The following RCOR1 variants were observed in gnomAD, a reference collection of about 807,000 sequenced individuals.
RCOR1 encodes the protein REST corepressor 1.
Under a neutral mutation model 64.0 loss-of-function variants are expected in RCOR1, and 12 were observed. The ratio of observed to expected loss-of-function variants is 0.19; its 90% CI spans 0.12 to 0.30. The LOEUF is 0.30. RCOR1 is among the 10% of genes least tolerant of loss of function. RCOR1 has a pLI of 1.00. For synonymous variants in RCOR1, 279 were observed against 227.2 expected (o/e 1.23, Z -2.05); for missense variants, 502 against 621.2 (o/e 0.81, Z 2.04).
chr14:102,724,308 T>C (rs548064356), intron 11 of RCOR1, among the ~76,000 whole-genome samples: 5 of 152,102 alleles, frequency 3.3e-5, no homozygotes, highest in Non-Finnish European at 2.9e-5. Flanking sequence ...TCATTTAAAA[T>C]GTACCCCCTC....
intron 2 of RCOR1, among the ~76,000 whole-genome samples, chr14:102,660,956 T>C (rs759931994): frequency 3.3e-5 from 5 of 152,308 alleles, no homozygotes; most frequent in Non-Finnish European, 7.3e-5. Flanking sequence ...ATTAGTGATA[T>C]TGCTCAGCTC....
In RCOR1 at chr14:102,722,189, A is replaced by T; in HGVS notation, c.1192A>T (p.Ile398Phe). Residue 398 changes from isoleucine to phenylalanine, a missense_variant and splice_region_variant, in exon 11 of 12, where the codon ATC becomes TTC. Ile to Phe is a conservative substitution (Grantham distance 21). Around this residue, in one of 2 missense-constraint regions of RCOR1, gnomAD observed 260 missense variants for 416.4 expected, o/e 0.62. Coordinates refer to ENST00000262241, the MANE Select transcript of RCOR1 (RefSeq NM_015156.4). ...AAAATGCTTTCTTACATCCTTAGCCATCAGGAAATATGGCCGAGATTTTCA... is the reference window on the plus strand; with the variant it reads ...AAAATGCTTTCTTACATCCTTAGCCTTCAGGAAATATGGCCGAGATTTTCA... ...TEEQLLAVQA[I>F]RKYGRDFQAI... 6.2e-7 allele frequency: 1 copy of T among 1,612,920 alleles called. No individual in the cohort carries two copies. Among genetic ancestry groups the T allele is most frequent in the South Asian group, 1.1e-5 (1 of 91,050 alleles).
chr14:102,626,285 A>G (rs1365811945), intron 2 of RCOR1, among the ~76,000 whole-genome samples: 1 of 152,230 alleles, frequency 6.6e-6, no homozygotes, highest in African/African-American at 2.4e-5. Flanking sequence ...TTCCCCGGAA[A>G]ATAGAGCATA....
intron 2 of RCOR1, among the ~76,000 whole-genome samples, chr14:102,626,773 A>G (rs1893990941): frequency 6.6e-6 from 1 of 152,220 alleles, no homozygotes; most frequent in Non-Finnish European, 1.5e-5. Context: ...CCCAGATTGC[A>G]GGATTTTGCT....
At chr14:102,613,710 G>A (rs920938268) in intron 2 of RCOR1, among the ~76,000 whole-genome samples, 1 of 149,456 alleles carries the variant, frequency 6.7e-6, no homozygotes, top group Non-Finnish European at 1.5e-5. Flanking sequence ...ATGAGCCACC[G>A]CGCCCCGCCA....
At chr14:102,625,256 GAGGC>G (rs1893956784) in intron 2 of RCOR1, among the ~76,000 whole-genome samples, 2 of 22,226 alleles carry the variant, frequency 9.0e-5, no homozygotes, top group Admixed American at 8.2e-4. Context: ...TTTTTTTTTT[GAGGC>G]AGAGTTTCAC....
chr14:102,656,213 C>T (rs113656799), intron 2 of RCOR1: 38 of 617,540 alleles, frequency 6.2e-5, no homozygotes, highest in South Asian at 3.6e-4. Flanking sequence ...GATCTAGGCT[C>T]ACTGCAACCT....
chr14:102,721,238 G>GA (rs1159752298), intron 9 of RCOR1, 82 bp from the exon 10 acceptor site: 1 of 1,327,950 alleles, frequency 7.5e-7, no homozygotes. Context: ...TCCGATAAGA[G>GA]AAAATGAAAG....
chr14:102,704,217 C>T (rs951169203), intron 4 of RCOR1, among the ~76,000 whole-genome samples: 14 of 152,330 alleles, frequency 9.2e-5, no homozygotes, highest in African/African-American at 2.9e-4. Flanking sequence ...CTGTACTCTT[C>T]TCTAGTCATG....
intron 3 of RCOR1, among the ~76,000 whole-genome samples, chr14:102,684,283 G>T (rs756027469): frequency 2.6e-5 from 4 of 152,174 alleles, no homozygotes; most frequent in Non-Finnish European, 5.9e-5. Context: ...GAAAATTGAA[G>T]AGAAATATCA....
rs1896334143 is a variant in RCOR1, at chr14:102,729,780, A to C, written c.*3274A>C. ...TATAATTGCACACCAAAAATAAGCC[A>C]AACAGTGCATTACGCTAACTGGATC... On this transcript the variant is annotated 3_prime_UTR_variant, in exon 12 of 12. Coordinates refer to ENST00000262241, the MANE Select transcript of RCOR1 (RefSeq NM_015156.4). The C allele has an allele frequency of 2.5e-6, 1 of 398,926 alleles. No homozygotes were observed. Among genetic ancestry groups the C allele is most frequent in the African/African-American group, 2.1e-5 (1 of 48,646 alleles). 24.7% of individuals were successfully genotyped at this position (398,926 alleles called of 1,614,324 possible). A position where few individuals can be genotyped will look rare whatever the true frequency, so the allele number is the denominator to read the frequency against.
intron 7 of RCOR1, among the ~76,000 whole-genome samples, chr14:102,712,188 T>TTTTA (rs1895974951): frequency 6.6e-6 from 1 of 151,966 alleles, no homozygotes; most frequent in Non-Finnish European, 1.5e-5. Flanking sequence ...TTATTTTTTT[T>TTTTA]TATTTTGTTT....
At chr14:102,714,355 TA>T (rs1896021097) in intron 7 of RCOR1, 67 bp from the exon 8 acceptor site, 2 of 1,027,390 alleles carry the variant, frequency 1.9e-6, no homozygotes, top group Non-Finnish European at 2.8e-6. Context: ...GTTAAGGAAA[TA>T]AATATGTTTA....
chr14:102,704,138 G>A (rs1023272726), intron 4 of RCOR1, among the ~76,000 whole-genome samples: 2 of 152,200 alleles, frequency 1.3e-5, no homozygotes, highest in African/African-American at 4.8e-5. Context: ...GGACCTTTGT[G>A]GGAGGAACCA....
At position 102,593,137 on chromosome 14, in the gene RCOR1, G is replaced by A. The variant is rs762706265; in HGVS notation, c.251G>A (p.Ser84Asn). 1.3e-6 allele frequency: 2 copies of A among 1,526,006 alleles called. No individual in the cohort carries two copies. Among genetic ancestry groups the A allele is most frequent in the African/African-American group, 1.4e-5 (1 of 69,436 alleles). The allele number at this position is 1,526,006 out of a possible 1,614,324, so 94.5% of individuals were successfully genotyped here. A position where few individuals can be genotyped will look rare whatever the true frequency, so the allele number is the denominator to read the frequency against. The change falls in exon 1 of 12, where the codon AGC (serine) becomes AAC (asparagine). Residue 84 changes from serine to asparagine, a missense_variant. This residue lies in a region of RCOR1 where 242 missense variants were observed against 204.9 expected (regional missense o/e 1.18). Transcript: ENST00000262241. ...AAAAPNGNSSSNSWEEGSSGS... is the reference protein window; with the variant it reads ...AAAAPNGNSSNNSWEEGSSGS... ...GCGGCGCCCAATGGCAACAGCAGCAGCAACTCCTGGGAGGAAGGCAGCTCG... is the reference window on the plus strand; with the variant it reads ...GCGGCGCCCAATGGCAACAGCAGCAACAACTCCTGGGAGGAAGGCAGCTCG...
In RCOR1 at chr14:102,729,916, T is replaced by C. The variant is rs887779943; in HGVS notation, c.*3410T>C. ...AATGATCCAGGATTCAAGCTTCTAT[T>C]GTCAAGTGAAACTTTCCTCAGATGG... On this transcript the variant is annotated 3_prime_UTR_variant, in exon 12 of 12. Coordinates refer to ENST00000262241, the MANE Select transcript of RCOR1 (RefSeq NM_015156.4). 5.0e-6 allele frequency: 2 copies of C among 398,956 alleles called. No individual in the cohort carries two copies. Among genetic ancestry groups the C allele is most frequent in the African/African-American group, 4.1e-5 (2 of 48,620 alleles). 24.7% of individuals were successfully genotyped at this position (398,956 alleles called of 1,614,324 possible).
chr14:102,719,725 ACT>A (rs1896140910), intron 8 of RCOR1, among the ~76,000 whole-genome samples: 1 of 152,228 alleles, frequency 6.6e-6, no homozygotes, highest in African/African-American at 2.4e-5. Context: ...TTTTGCATTT[ACT>A]CTCTCTGCTT....
intron 2 of RCOR1, among the ~76,000 whole-genome samples, chr14:102,609,934 T>C (rs1267574374): frequency 1.3e-5 from 2 of 151,970 alleles, no homozygotes; most frequent in Non-Finnish European, 2.9e-5. Flanking sequence ...GGTCAAGAGA[T>C]TGAGCCCACC....
At chr14:102,700,875 A>G (rs1895743455) in intron 3 of RCOR1, among the ~76,000 whole-genome samples, 1 of 152,228 alleles carries the variant, frequency 6.6e-6, no homozygotes, top group Non-Finnish European at 1.5e-5. Context: ...CTGGGAAGAA[A>G]AAGAGGTTTA....
Sources: allele counts gnomAD v4.1 joint callset (sites outside exome capture counted in the v4.1 genomes callset), GRCh38; gene constraint gnomAD v4.1.1; regional missense constraint gnomAD v4.1.1; transcripts MANE v1.5; gene names NCBI Gene and HGNC (gene_info 2026-07-23, HGNC 2026-07-21).